ARRB1: variants seen among roughly 807,000 people sequenced by gnomAD.
ARRB1 encodes the protein arrestin beta 1, also known as beta-arrestin-1.
A neutral mutation model predicts 56.8 loss-of-function variants in ARRB1; 21 were observed. The ratio of observed to expected loss-of-function variants is 0.37; its 90% CI spans 0.26 to 0.53. ARRB1 has a LOEUF of 0.53. Among genes scored for constraint, ARRB1 ranks in the 20% least tolerant of loss-of-function variants. ARRB1 has a pLI of 0.88. For missense variants in ARRB1, 424 were observed against 553.7 expected (o/e 0.77, Z 2.35); for synonymous variants, 210 against 218.6 (o/e 0.96, Z 0.35).
intron 11 of ARRB1, among the ~76,000 whole-genome samples, chr11:75,273,255 G>C (rs1296808379): frequency 6.6e-6 from 1 of 152,176 alleles, no homozygotes; most frequent in African/African-American, 2.4e-5. Context: ...CCGCCATGAG[G>C]GCCAGGCTCC....
intron 6 of ARRB1, 155 bp downstream of exon 6, chr11:75,281,807 T>C (rs1202151695): frequency 1.4e-6 from 1 of 711,914 alleles, no homozygotes. Context: ...GAAGAGAGAC[T>C]GGTTGTCCAA....
intron 1 of ARRB1, among the ~76,000 whole-genome samples, chr11:75,345,175 A>C (rs1947746327): frequency 6.6e-6 from 1 of 151,930 alleles, no homozygotes. Context: ...GTCTTGTCCA[A>C]CTCCCAGGGG....
chr11:75,278,779 G>T (rs762927485), intron 7 of ARRB1, 35 bp from the exon 8 acceptor site: 5 of 1,577,060 alleles, frequency 3.2e-6, no homozygotes, highest in Non-Finnish European at 3.5e-6. Flanking sequence ...GAGGACCAGG[G>T]TCACCTGCCT....
chr11:75,339,901 G>A (rs576113886), intron 1 of ARRB1, among the ~76,000 whole-genome samples: 72 of 152,286 alleles, frequency 4.7e-4, no homozygotes, highest in African/African-American at 1.6e-3. Flanking sequence ...CTCCTAGCCC[G>A]AGGCCCGGGG....
At chr11:75,274,238 G>T in intron 10 of ARRB1, 27 bp from the exon 11 acceptor site, 2 of 1,612,540 alleles carry the variant, frequency 1.2e-6, no homozygotes, top group South Asian at 1.1e-5. Flanking sequence ...CAGCTGTGGA[G>T]ATGGCCCTCC....
intron 1 of ARRB1, among the ~76,000 whole-genome samples, chr11:75,325,948 G>T (rs1947426852): frequency 6.6e-6 from 1 of 152,202 alleles, no homozygotes; most frequent in Non-Finnish European, 1.5e-5. Context: ...AGGCTTGGAG[G>T]TTAGAAAACA....
At chr11:75,322,092 T>C (rs1947356352) in intron 1 of ARRB1, among the ~76,000 whole-genome samples, 1 of 152,226 alleles carries the variant, frequency 6.6e-6, no homozygotes, top group East Asian at 1.9e-4. Flanking sequence ...GAGCCCAGGA[T>C]GGGCACAGAC....
intron 5 of ARRB1, among the ~76,000 whole-genome samples, chr11:75,282,697 T>C (rs1473315145): frequency 6.6e-6 from 1 of 152,118 alleles, no homozygotes; most frequent in African/African-American, 2.4e-5. Flanking sequence ...TGCTGCCGAG[T>C]TTGTGGCAAT....
intron 2 of ARRB1, among the ~76,000 whole-genome samples, chr11:75,288,019 C>T (rs1327828159): frequency 1.3e-5 from 2 of 152,124 alleles, no homozygotes; most frequent in Non-Finnish European, 2.9e-5. Context: ...TGCACCACCA[C>T]ACGCAGCTAA....
At chr11:75,347,262 C>T (rs549346415) in intron 1 of ARRB1, among the ~76,000 whole-genome samples, 1 of 152,354 alleles carries the variant, frequency 6.6e-6, no homozygotes, top group Non-Finnish European at 1.5e-5. Flanking sequence ...CTACCACTCC[C>T]AGCGGCCCCA....
intron 15 of ARRB1, among the ~76,000 whole-genome samples, chr11:75,267,239 G>A (rs1273421676): frequency 1.3e-5 from 2 of 152,160 alleles, no homozygotes; most frequent in Admixed American, 6.5e-5. Context: ...AATCCACATC[G>A]GTTGGTCCTC....
chr11:75,296,392 C>T, intron 1 of ARRB1, among the ~76,000 whole-genome samples: 1 of 152,116 alleles, frequency 6.6e-6, no homozygotes, highest in Non-Finnish European at 1.5e-5. Flanking sequence ...TGATTCCATT[C>T]CATCAAGGTG....
At chr11:75,351,134 T>G (rs2510894) in intron 1 of ARRB1, among the ~76,000 whole-genome samples, 80,308 of 152,096 alleles carry the variant, frequency 0.53, 22,425 homozygotes, top group African/African-American at 0.7. Context: ...GTGTGTTGGA[T>G]TGTGAGCTGT....
intron 1 of ARRB1, chr11:75,335,153 A>G: frequency 3.9e-6 from 1 of 255,876 alleles, no homozygotes; most frequent in Non-Finnish European, 9.0e-6. Flanking sequence ...CCGCCTTCAC[A>G]AAGGCCCTGC....
At chr11:75,290,145 G>A (rs1946573279) in intron 1 of ARRB1, 106 bp from the exon 2 acceptor site, 1 of 1,362,506 alleles carries the variant, frequency 7.3e-7, no homozygotes. Flanking sequence ...TGGAGTGACT[G>A]ACAGGCACCA....
At chr11:75,344,315 G>A (rs768677052) in intron 1 of ARRB1, among the ~76,000 whole-genome samples, 2 of 152,110 alleles carry the variant, frequency 1.3e-5, no homozygotes, top group Admixed American at 6.5e-5. Context: ...GACTTTGGCC[G>A]CCCAGAAGAA....
chr11:75,312,075 G>A (rs1218741798), intron 1 of ARRB1: 30 of 1,289,274 alleles, frequency 2.3e-5, no homozygotes, highest in Non-Finnish European at 2.6e-5. Flanking sequence ...AGCCTCTCCC[G>A]CTGCAAGTCT....
At chr11:75,282,597 C>T (rs1946372039) in intron 5 of ARRB1, among the ~76,000 whole-genome samples, 1 of 152,218 alleles carries the variant, frequency 6.6e-6, no homozygotes, top group Admixed American at 6.5e-5. Flanking sequence ...AGGAGCCAGC[C>T]CTGCCACGCC....
chr11:75,278,386 C>T (rs1443160165), intron 8 of ARRB1, among the ~76,000 whole-genome samples: 1 of 152,224 alleles, frequency 6.6e-6, no homozygotes. Context: ...TTCGGAAGTC[C>T]ATCACATCTC....
Sources: gnomAD v4.1 joint callset for allele counts (sites outside exome capture counted in the v4.1 genomes callset) on GRCh38, gnomAD v4.1.1 for gene constraint, MANE v1.5 for transcripts, NCBI Gene and HGNC (gene_info 2026-07-23, HGNC 2026-07-21) for gene names.